SMAD2: variants seen among roughly 807,000 people sequenced by gnomAD.
The protein encoded by SMAD2 is SMAD family member 2.
A neutral mutation model predicts 64.4 loss-of-function variants in SMAD2; 8 were observed. The ratio of observed to expected loss-of-function variants is 0.12; its 90% CI spans 0.07 to 0.22. The LOEUF (loss-of-function observed/expected upper bound fraction) is 0.22. Among genes scored for constraint, SMAD2 ranks in the 10% least tolerant of loss-of-function variants. SMAD2 has a pLI of 1.00. For synonymous variants in SMAD2, 203 were observed against 195.8 expected, an observed-to-expected ratio of 1.04 and a Z score of -0.31; for missense variants, 289 against 561.2, an observed-to-expected ratio of 0.51 and a Z score of 4.90.
In SMAD2 at chr18:47,838,647, G is replaced by A. The variant is rs1253331336; in HGVS notation, c.*3180C>T. On this transcript the variant is annotated 3_prime_UTR_variant, in exon 11 of 11. Coordinates refer to ENST00000262160, the MANE Select transcript of SMAD2 (RefSeq NM_005901.6). ...TAAATCCAGTTATATTTTTCTAATC[G>A]TTGACCAGTGGTTATAAAGACTTTC... 1.7e-5 allele frequency: 4 copies of A among 232,586 alleles called. No individual in the cohort carries two copies. Among genetic ancestry groups the A allele is most frequent in the East Asian group, 1.2e-4 (2 of 16,598 alleles). The allele number at this position is 232,586 out of a possible 1,614,324, so 14.4% of individuals were successfully genotyped here.
At chr18:47,855,940 T>C (rs1437952523) in intron 6 of SMAD2, among the ~76,000 whole-genome samples, 2 of 152,132 alleles carry the variant, frequency 1.3e-5, no homozygotes, top group African/African-American at 4.8e-5. Context: ...TTATTCACAA[T>C]AGCAAAGATA....
At position 47,868,381 on chromosome 18, in the gene SMAD2, G is replaced by T. The variant is rs1468302814; in HGVS notation, c.597C>A (p.Ser199=). Residue 199 remains serine (S), a synonymous_variant, in exon 5 of 11, where the codon TCC becomes TCA. Coordinates refer to ENST00000262160, the MANE Select transcript of SMAD2 (RefSeq NM_005901.6). ...ELPPLDDYTH[S]IPENTNFPAG... is the part of the protein sequence containing the mutation. ...CTGGGAAGTTAGTGTTTTCTGGAAT[G>T]GAGTGAGTATAGTCATCCAGAGGCG... 6.2e-7 allele frequency: 1 copy of T among 1,610,188 alleles called. No homozygotes were observed.
intron 2 of SMAD2, among the ~76,000 whole-genome samples, chr18:47,896,169 T>C (rs1472800048): frequency 6.6e-6 from 1 of 152,216 alleles, no homozygotes; most frequent in Non-Finnish European, 1.5e-5. Context: ...TCACCCCTGA[T>C]GAAAGTTTTG....
chr18:47,886,475 C>T (rs1214831837), intron 2 of SMAD2, among the ~76,000 whole-genome samples: 1 of 151,934 alleles, frequency 6.6e-6, no homozygotes, highest in East Asian at 1.9e-4. Flanking sequence ...CTCTCAATGT[C>T]CCTATCATCC....
intron 1 of SMAD2, among the ~76,000 whole-genome samples, chr18:47,900,641 C>G (rs964801559): frequency 1.3e-5 from 2 of 152,014 alleles, no homozygotes; most frequent in Non-Finnish European, 2.9e-5. Flanking sequence ...TTCATTATTT[C>G]TTTACTTCTA....
chr18:47,854,936 C>A (rs938505753), intron 6 of SMAD2, among the ~76,000 whole-genome samples: 1 of 152,096 alleles, frequency 6.6e-6, no homozygotes, highest in South Asian at 2.1e-4. Flanking sequence ...TGTATAATGA[C>A]GTGTATCCAT....
chr18:47,841,846 C>T lies in SMAD2; in HGVS notation c.1385G>A (p.Arg462His), dbSNP rs773849578. The change falls in exon 11 of 11, where the codon CGT (arginine) becomes CAT (histidine). Residue 462 changes from arginine (R) to histidine (H), a missense_variant. Physicochemically the swap from Arg to His is conservative, Grantham distance 29. Transcript: ENST00000262160. ...GAAGCTTTATGACATGCTTGAGCAACGCACTGAAGGGGATCCCATCTGAGT... is the reference window on the plus strand; with the variant it reads ...GAAGCTTTATGACATGCTTGAGCAATGCACTGAAGGGGATCCCATCTGAGT... ...VLTQMGSPSV[R>H]CSSMS is the part of the protein sequence containing the mutation. 1 of 1,614,020 alleles carries T rather than the reference C, an allele frequency of 6.2e-7. No individual in the cohort carries two copies. The highest frequency in any genetic ancestry group is 1.7e-5 in the Admixed American group (1 of 60,012).
Position 47,840,720 on chromosome 18 carries a change from A to T in SMAD2, c.*1107T>A, listed in dbSNP as rs1913858763. On this transcript the variant is annotated 3_prime_UTR_variant, in exon 11 of 11. Coordinates refer to ENST00000262160, the MANE Select transcript of SMAD2 (RefSeq NM_005901.6). The stretch of plus-strand genomic sequence containing the variant: ...CATAATGCAATCTGGTTACTAAACC[A>T]AATCAAACTACTCGAAGAGCAGAAG... 1 of 231,468 alleles carries T rather than the reference A, an allele frequency of 4.3e-6. No individual in the cohort carries two copies. Among genetic ancestry groups the T allele is most frequent in the Non-Finnish European group, 8.5e-6 (1 of 117,024 alleles). The allele number at this position is 231,468 out of a possible 1,614,324, so 14.3% of individuals were successfully genotyped here.
At chr18:47,877,929 T>C (rs867668043) in intron 2 of SMAD2, among the ~76,000 whole-genome samples, 2 of 152,204 alleles carry the variant, frequency 1.3e-5, no homozygotes, top group Non-Finnish European at 2.9e-5. Flanking sequence ...TAAGGCATAA[T>C]TGGGCAGTAA....
In SMAD2 at chr18:47,853,375, C is replaced by T. The variant is rs1375200903; in HGVS notation, c.731-2048G>A. ...GACGTCTTGTGATGTAATTATTATA[C>T]GAATGGGGGCTTCAACCGGGAGTAC... is the stretch of plus-strand genomic sequence containing the variant. On this transcript the variant is annotated intron_variant, in intron 6 of 10. Transcript: ENST00000262160. 9 of 172,868 alleles carry T rather than the reference C, an allele frequency of 5.2e-5. 3 individuals are homozygous for T. The highest frequency in any genetic ancestry group is 7.3e-5 in the Non-Finnish European group (8 of 110,268). The allele number at this position is 172,868 out of a possible 1,614,324, so 10.7% of individuals were successfully genotyped here. A position where few individuals can be genotyped will look rare whatever the true frequency, so the allele number is the denominator to read the frequency against.
chr18:47,816,828 T>C lies in SMAD2; in HGVS notation c.*24999A>G, dbSNP rs915559173. 9 of 146,718 alleles carry C rather than the reference T, an allele frequency of 6.1e-5. No homozygotes were observed. In the Admixed American group the frequency reaches 6.4e-4, roughly 10 times the overall value. The allele number at this position is 146,718 out of a possible 1,614,324, so 9.1% of individuals were successfully genotyped here. On this transcript the variant is annotated 3_prime_UTR_variant, in exon 11 of 11. Transcript: ENST00000262160. ...GCCCAGGCTGGAGTGCAGTGGCACA[T>C]CTAGGCTCACTGCAACCTCCACTTC... is the stretch of plus-strand genomic sequence containing the variant.
rs2030731749 is a variant in SMAD2 at position 47,856,852 on chromosome 18, T to TC, written c.731-5526_731-5525insG. On this transcript the variant is annotated intron_variant, in intron 6 of 10. Coordinates refer to ENST00000262160, the MANE Select transcript of SMAD2 (RefSeq NM_005901.6). ...GTTTTCCTATTTTGCCTAACTATGCTAATTTTTTTTTTTTTTTTTTTTTGA... is the reference window on the plus strand; with the variant it reads ...GTTTTCCTATTTTGCCTAACTATGCTCAATTTTTTTTTTTTTTTTTTTTTGA... Among the ~76,000 whole-genome samples, 4 of 142,214 alleles carry TC rather than the reference T, an allele frequency of 2.8e-5. No homozygotes were observed. In the Middle Eastern group the frequency reaches 0.011, roughly 392 times the overall value. 93.3% of individuals were successfully genotyped at this position (142,214 alleles called of 152,430 possible).
intron 6 of SMAD2, among the ~76,000 whole-genome samples, chr18:47,855,784 G>C (rs542155216): frequency 1.3e-5 from 2 of 151,988 alleles, no homozygotes; most frequent in African/African-American, 4.8e-5. Context: ...AACACACCCG[G>C]CTAATTTCAG....
At chr18:47,919,360 G>C (rs2034463535) in intron 1 of SMAD2, among the ~76,000 whole-genome samples, 1 of 133,834 alleles carries the variant, frequency 7.5e-6, no homozygotes, top group Non-Finnish European at 1.6e-5. Flanking sequence ...AAAACAAAAA[G>C]GAATACGATC....
At chr18:47,913,560 G>C (rs571064431) in intron 1 of SMAD2, among the ~76,000 whole-genome samples, 1 of 152,186 alleles carries the variant, frequency 6.6e-6, no homozygotes, top group African/African-American at 2.4e-5. Flanking sequence ...AACATTTGTT[G>C]TAAGTAATGC....
chr18:47,910,273 A>G (rs1434995878), intron 1 of SMAD2, among the ~76,000 whole-genome samples: 1 of 152,164 alleles, frequency 6.6e-6, no homozygotes, highest in Non-Finnish European at 1.5e-5. Context: ...AATTAACAGA[A>G]GACGACGTAA....
chr18:47,868,215 C>T (rs1332971614), intron 5 of SMAD2, 108 bp downstream of exon 5: 3 of 961,362 alleles, frequency 3.1e-6, no homozygotes, highest in Non-Finnish European at 3.3e-6. Context: ...CTATTAAAAA[C>T]TCAAAAGCAT....
rs1018571028 is a variant in SMAD2 at position 47,816,390 on chromosome 18, A to G, written c.*25437T>C. On this transcript the variant is annotated 3_prime_UTR_variant, in exon 11 of 11. Coordinates refer to ENST00000262160, the MANE Select transcript of SMAD2 (RefSeq NM_005901.6). Reference sequence around the variant, plus strand: ...ATACACTTATAAATTGGAAAATGAGAAAAGATAGTCTGGTATAACTGCCTG... The same window carrying G: ...ATACACTTATAAATTGGAAAATGAGGAAAGATAGTCTGGTATAACTGCCTG... 6.6e-6 allele frequency: 1 copy of G among 152,252 alleles called. No individual in the cohort carries two copies. The highest frequency in any genetic ancestry group is 1.5e-5 in the Non-Finnish European group (1 of 68,046). The allele number at this position is 152,252 out of a possible 1,614,324, so 9.4% of individuals were successfully genotyped here. A position where few individuals can be genotyped will look rare whatever the true frequency, so the allele number is the denominator to read the frequency against.
intron 6 of SMAD2, among the ~76,000 whole-genome samples, chr18:47,863,902 T>G (rs796894970): frequency 2.2e-4 from 34 of 152,140 alleles, no homozygotes; most frequent in African/African-American, 7.5e-4. Flanking sequence ...TAGCGATATA[T>G]GAGGACTCCA....
Sources: allele counts gnomAD v4.1 joint callset (sites outside exome capture counted in the v4.1 genomes callset), GRCh38; gene constraint gnomAD v4.1.1; transcripts MANE v1.5; gene names NCBI Gene and HGNC (gene_info 2026-07-23, HGNC 2026-07-21).